Variants in DHX57 observed in about 807,000 individuals in gnomAD.
DHX57 encodes the protein DExH-box helicase 57, also known as putative ATP-dependent RNA helicase DHX57.
A neutral mutation model predicts 156.2 loss-of-function variants in DHX57; 105 were observed. The ratio of observed to expected loss-of-function variants is 0.67; its 90% CI spans 0.57 to 0.79. The LOEUF (loss-of-function observed/expected upper bound fraction) is 0.79, where lower values mean the gene tolerates loss of function less well. Among genes scored for constraint, DHX57 ranks in the 30% least tolerant of loss-of-function variants. DHX57 has a pLI of 0.00. For missense variants in DHX57, 1,847 were observed against 1,661.9 expected, an observed-to-expected ratio of 1.11 and a Z score of -1.94; for synonymous variants, 704 against 595.6, an observed-to-expected ratio of 1.18 and a Z score of -2.65.
At chr2:38,799,307 G>A (rs952455914) in intron 23 of DHX57, among the ~76,000 whole-genome samples, 5 of 150,920 alleles carry the variant, frequency 3.3e-5, no homozygotes, top group Non-Finnish European at 5.9e-5. Context: ...TGGAGGTTGC[G>A]GTGAGCCAAG....
intron 20 of DHX57, among the ~76,000 whole-genome samples, 194 bp from the exon 21 acceptor site, chr2:38,814,089 CG>C (rs1670407977): frequency 6.6e-6 from 1 of 151,946 alleles, no homozygotes. Flanking sequence ...AGGCATACAC[CG>C]CTATGCCCGG....
intron 21 of DHX57, among the ~76,000 whole-genome samples, chr2:38,812,786 G>A (rs1002276184): frequency 6.6e-6 from 1 of 152,124 alleles, no homozygotes; most frequent in Admixed American, 6.5e-5. Flanking sequence ...GCCCGCCTCG[G>A]CCTCCCAAAG....
chr2:38,869,744 T>C (rs376841565), intron 1 of DHX57, among the ~76,000 whole-genome samples: 210 of 152,328 alleles, frequency 1.4e-3, no homozygotes, highest in African/African-American at 5.0e-3. Flanking sequence ...CCAGAGTTGT[T>C]ACAGTATGTT....
intron 9 of DHX57, 25 bp downstream of exon 9, chr2:38,854,029 T>A: frequency 6.3e-7 from 1 of 1,590,352 alleles, no homozygotes; most frequent in Non-Finnish European, 8.6e-7. Flanking sequence ...TGAGTGTGTG[T>A]TCCCTGGGAA....
At chr2:38,803,381 G>T (rs1380630914) in intron 22 of DHX57, among the ~76,000 whole-genome samples, 1 of 150,248 alleles carries the variant, frequency 6.7e-6, no homozygotes, top group Non-Finnish European at 1.5e-5. Flanking sequence ...AGTCATCATT[G>T]ACTATTTTTT....
chr2:38,833,934 C>T (rs1671514898), intron 13 of DHX57, among the ~76,000 whole-genome samples: 1 of 152,064 alleles, frequency 6.6e-6, no homozygotes, highest in Non-Finnish European at 1.5e-5. Flanking sequence ...ACACACAAAC[C>T]TATTATAAAA....
intron 5 of DHX57, among the ~76,000 whole-genome samples, chr2:38,860,168 G>C (rs557641837): frequency 3.1e-4 from 47 of 152,100 alleles, no homozygotes; most frequent in African/African-American, 1.1e-3. Flanking sequence ...CTGCATAGCA[G>C]CCCATGTGCG....
intron 13 of DHX57, among the ~76,000 whole-genome samples, chr2:38,831,814 A>G (rs1465184404): frequency 6.7e-6 from 1 of 149,370 alleles, no homozygotes; most frequent in South Asian, 2.1e-4. Flanking sequence ...CTGAGATCAC[A>G]CCATCGCACT....
chr2:38,815,771 G>C, intron 19 of DHX57, 116 bp from the exon 20 acceptor site: 1 of 1,266,974 alleles, frequency 7.9e-7, no homozygotes, highest in Non-Finnish European at 1.1e-6. Context: ...TGAGGCTCAA[G>C]TGGATTCATT....
intron 6 of DHX57, chr2:38,857,159 A>C (rs1262095993): frequency 6.5e-6 from 1 of 154,180 alleles, no homozygotes; most frequent in African/African-American, 2.4e-5. Context: ...AATGTGAAGA[A>C]TAGTGTTACT....
intron 9 of DHX57, 159 bp downstream of exon 9, chr2:38,853,895 G>C: frequency 1.6e-6 from 1 of 611,012 alleles, no homozygotes; most frequent in Non-Finnish European, 2.8e-6. Flanking sequence ...ACAGACCCTG[G>C]AGATCAAGAA....
In DHX57 at chr2:38,862,316, T is replaced by C; in HGVS notation, c.401A>G (p.Glu134Gly). The change falls in exon 4 of 24, where the codon GAG (glutamate) becomes GGG (glycine). Residue 134 changes from glutamate to glycine, a missense_variant. Physicochemically the swap from Glu to Gly is moderately conservative, Grantham distance 98 (BLOSUM62 -2). Transcript: ENST00000457308. ...GCAATCAGGCTCATCATCTTCCTCC[T>C]CCCCAGAAAGGCCTCTTCTAGCAAA... is the stretch of plus-strand genomic sequence containing the variant. ...DAGSERGLSG[E>G]EEDDEPDCCN... is the part of the protein sequence containing the mutation. 2 of 1,584,386 alleles carry C rather than the reference T, an allele frequency of 1.3e-6. No individual in the cohort carries two copies. The highest frequency in any genetic ancestry group is 1.1e-5 in the South Asian group (1 of 87,152).
At chr2:38,850,978 G>A (rs971652697) in intron 9 of DHX57, among the ~76,000 whole-genome samples, 3 of 152,078 alleles carry the variant, frequency 2.0e-5, no homozygotes, top group Admixed American at 1.3e-4. Context: ...TTGGGAGGCC[G>A]AGGCAGGAGG....
intron 9 of DHX57, chr2:38,853,235 T>G (rs1199511203): frequency 6.6e-6 from 1 of 151,700 alleles, no homozygotes; most frequent in Non-Finnish European, 1.5e-5. Flanking sequence ...TTTTTTTTTT[T>G]TTTTTTCTGT....
At chr2:38,802,062 T>A (rs1669709097) in intron 23 of DHX57, among the ~76,000 whole-genome samples, 1 of 152,198 alleles carries the variant, frequency 6.6e-6, no homozygotes, top group African/African-American at 2.4e-5. Context: ...TATTTTTGCT[T>A]ATCTGTATTT....
intron 6 of DHX57, 106 bp from the exon 7 acceptor site, chr2:38,856,567 G>T: frequency 7.2e-7 from 1 of 1,381,480 alleles, no homozygotes; most frequent in Non-Finnish European, 9.6e-7. Flanking sequence ...GCAGTGGTGC[G>T]ATCACGGCTC....
intron 2 of DHX57, among the ~76,000 whole-genome samples, chr2:38,866,679 ATACT>A (rs1222071219): frequency 6.6e-6 from 1 of 152,192 alleles, no homozygotes; most frequent in Non-Finnish European, 1.5e-5. Flanking sequence ...CATTCAGTAA[ATACT>A]TACCAAATGA....
At chr2:38,813,784 CA>C in intron 21 of DHX57, 36 bp downstream of exon 21, 1 of 1,609,506 alleles carries the variant, frequency 6.2e-7, no homozygotes, top group Non-Finnish European at 8.5e-7. Flanking sequence ...ACAAATCAAA[CA>C]AAAAATGGAA....
chr2:38,865,619 G>T (rs1665030357), intron 2 of DHX57, among the ~76,000 whole-genome samples: 1 of 152,078 alleles, frequency 6.6e-6, no homozygotes, highest in Non-Finnish European at 1.5e-5. Context: ...GGGTAATTAG[G>T]ATATCTAACA....
Sources: gnomAD v4.1 joint callset for allele counts (sites outside exome capture counted in the v4.1 genomes callset) on GRCh38, gnomAD v4.1.1 for gene constraint, MANE v1.5 for transcripts, NCBI Gene and HGNC (gene_info 2026-07-23, HGNC 2026-07-21) for gene names.